Variants in GSS observed in about 807,000 individuals in gnomAD.
GSS encodes glutathione synthetase, also known as GSH synthetase.
A neutral mutation model predicts 60.4 loss-of-function variants in GSS; 34 were observed. The observed-to-expected ratio is 0.56, with a 90% CI of 0.43 to 0.75. The LOEUF (loss-of-function observed/expected upper bound fraction) is 0.75, where lower values mean the gene tolerates loss of function less well. Among genes scored for constraint, GSS ranks in the 30% least tolerant of loss-of-function variants. GSS has a pLI of 0.00. For synonymous variants in GSS, 224 were observed against 239.0 expected, an observed-to-expected ratio of 0.94 and a Z score of 0.58; for missense variants, 499 against 595.1, an observed-to-expected ratio of 0.84 and a Z score of 1.68.
intron 3 of GSS, among the ~76,000 whole-genome samples, chr20:34,943,272 A>G (rs948729068): frequency 1.3e-5 from 2 of 152,198 alleles, no homozygotes; most frequent in Non-Finnish European, 2.9e-5. Flanking sequence ...AATGGAGAAT[A>G]TAATTATATT....
chr20:34,946,198 G>GAGTGTCCTCTGT, intron 2 of GSS, 100 bp from the exon 3 acceptor site: 1 of 960,174 alleles, frequency 1.0e-6, no homozygotes. Context: ...TATATTTACT[G>GAGTGTCCTCTGT]AGGACACACC....
At chr20:34,931,814 TCAC>T in intron 10 of GSS, 122 bp downstream of exon 10, 2 of 859,838 alleles carry the variant, frequency 2.3e-6, no homozygotes, top group Non-Finnish European at 3.8e-6. Flanking sequence ...CTCCAGAGCA[TCAC>T]CAACCTTGCC....
At chr20:34,929,262 G>A (rs1261147047) in intron 12 of GSS, 139 bp downstream of exon 12, 1 of 810,616 alleles carries the variant, frequency 1.2e-6, no homozygotes, top group Non-Finnish European at 2.1e-6. Flanking sequence ...AAAGAAACAG[G>A]TAATAAAGCT....
At chr20:34,932,743 T>C (rs767541043) in intron 9 of GSS, among the ~76,000 whole-genome samples, 12 of 152,238 alleles carry the variant, frequency 7.9e-5, no homozygotes, top group South Asian at 2.1e-4. Context: ...AGTTGTTTCA[T>C]TGAAAGCAGT....
Position 34,942,508 on chromosome 20 carries a change from G to A in GSS, c.471C>T (p.Ser157=). 6.2e-7 allele frequency: 1 copy of A among 1,613,956 alleles called. No homozygotes were observed. Among genetic ancestry groups the A allele is most frequent in the Non-Finnish European group, 8.5e-7 (1 of 1,179,986 alleles). ...TISASFGGLA[S]RTPAVHRHVL... ...CCCACCGGTGCACAGCTGGGGTCCGGGAGGCCAGGCCCCCAAAGCTGGCAG... is the reference window on the plus strand; with the variant it reads ...CCCACCGGTGCACAGCTGGGGTCCGAGAGGCCAGGCCCCCAAAGCTGGCAG... Residue 157 remains serine (S), a synonymous_variant, in exon 5 of 13, where the codon TCC becomes TCT. Transcript: ENST00000651619.
At chr20:34,945,103 C>A (rs529287746) in intron 3 of GSS, among the ~76,000 whole-genome samples, 1 of 151,588 alleles carries the variant, frequency 6.6e-6, no homozygotes. Flanking sequence ...TTACTGCAGC[C>A]TCTGCCTCCT....
chr20:34,943,473 G>A (rs367574889), intron 3 of GSS, among the ~76,000 whole-genome samples: 6 of 152,030 alleles, frequency 3.9e-5, no homozygotes, highest in Admixed American at 1.3e-4. Context: ...GACCTCCCAG[G>A]GTGAGCCTTC....
At chr20:34,930,380 G>C (rs563695625) in intron 11 of GSS, among the ~76,000 whole-genome samples, 4 of 152,034 alleles carry the variant, frequency 2.6e-5, no homozygotes, top group Non-Finnish European at 4.4e-5. Context: ...TATTACTTCT[G>C]CCTGAACCTG....
At chr20:34,929,056 G>A (rs2147119684) in intron 12 of GSS, 105 bp from the exon 13 acceptor site, 1 of 1,379,128 alleles carries the variant, frequency 7.3e-7, no homozygotes, top group Non-Finnish European at 1.0e-6. Flanking sequence ...TCTATACCAA[G>A]AAAGTGCTAG....
At position 34,931,409 on chromosome 20, in the gene GSS, T is replaced by G; in HGVS notation, c.1038A>C (p.Glu346Asp). The G allele has an allele frequency of 6.2e-7, 1 of 1,614,044 alleles. No individual in the cohort carries two copies. Among genetic ancestry groups the G allele is most frequent in the Non-Finnish European group, 8.5e-7 (1 of 1,179,854 alleles). ...GGGCCTCGGCGATGGCCTGGTCCCC[T>G]TCTTCACCCTGGCAGGAGGCAGAAA... ...AGLYSLDVGE[E>D]GDQAIAEALA... Residue 346 changes from glutamate (E) to aspartate (D), a missense_variant, in exon 11 of 13, where the codon GAA becomes GAC. Physicochemically the swap from Glu to Asp is conservative, Grantham distance 45 (BLOSUM62 2). Transcript: ENST00000651619.
At position 34,929,422 on chromosome 20, in the gene GSS, C is replaced by T. The variant is rs1325777545; in HGVS notation, c.1280G>A (p.Gly427Asp). ...ARVVQCISEL[G>D]IFGVYVRQEK... is the part of the protein sequence containing the mutation. ...TCACCTGACATAGACCCCAAAGATGCCCAGCTCTGAAATGCACTGGACCAC... is the reference window on the plus strand; with the variant it reads ...TCACCTGACATAGACCCCAAAGATGTCCAGCTCTGAAATGCACTGGACCAC... Residue 427 changes from glycine (G) to aspartate (D), a missense_variant, in exon 12 of 13, where the codon GGC (glycine) becomes GAC (aspartate). By Grantham distance (94) the Gly-to-Asp change is moderately conservative (BLOSUM62 -1). Coordinates refer to ENST00000651619, the MANE Select transcript of GSS (RefSeq NM_000178.4). The T allele has an allele frequency of 2.5e-6, 4 of 1,613,896 alleles. No individual in the cohort carries two copies. Among genetic ancestry groups the T allele is most frequent in the East Asian group, 2.2e-5 (1 of 44,882 alleles).
chr20:34,949,779 C>T (rs1253432400), intron 2 of GSS: 2 of 152,116 alleles, frequency 1.3e-5, no homozygotes, highest in Non-Finnish European at 2.9e-5. Context: ...ATGCCTGGCA[C>T]ATACTAAATA....
chr20:34,954,487 G>A (rs982592462), intron 1 of GSS: 2 of 153,226 alleles, frequency 1.3e-5, no homozygotes, highest in Non-Finnish European at 2.9e-5. Context: ...CCAGGAGGTG[G>A]AGGTTGTAGT....
At chr20:34,938,053 T>G (rs2081454381) in intron 6 of GSS, among the ~76,000 whole-genome samples, 1 of 152,134 alleles carries the variant, frequency 6.6e-6, no homozygotes, top group South Asian at 2.1e-4. Context: ...AGATGGGGTT[T>G]CACCATGTTG....
chr20:34,931,265 TGCCAATGAGCACTG>T, intron 11 of GSS, 57 bp downstream of exon 11: 1 of 1,180,260 alleles, frequency 8.5e-7, no homozygotes, highest in South Asian at 1.2e-5. Context: ...CCAGAGTAAG[TGCCAATGAGCACTG>T]GCCACAGCCT....
intron 8 of GSS, among the ~76,000 whole-genome samples, chr20:34,935,962 G>A (rs978867821): frequency 3.3e-5 from 5 of 152,136 alleles, no homozygotes; most frequent in Non-Finnish European, 7.4e-5. Flanking sequence ...CGAAATTACC[G>A]AGCAGCAGAA....
At position 34,942,504 on chromosome 20, in the gene GSS, T is replaced by G; in HGVS notation, c.475A>C (p.Thr159Pro). 6.2e-7 allele frequency: 1 copy of G among 1,613,558 alleles called. No individual in the cohort carries two copies. Among genetic ancestry groups the G allele is most frequent in the Non-Finnish European group, 8.5e-7 (1 of 1,179,802 alleles). ...SASFGGLASR[T>P]PAVHRHVLSV... Reference sequence around the variant, plus strand: ...GGGACCCACCGGTGCACAGCTGGGGTCCGGGAGGCCAGGCCCCCAAAGCTG... The same window carrying G: ...GGGACCCACCGGTGCACAGCTGGGGGCCGGGAGGCCAGGCCCCCAAAGCTG... Residue 159 changes from threonine to proline, a missense_variant, in exon 5 of 13, where the codon ACC becomes CCC. Transcript: ENST00000651619.
upstream of GSS, chr20:34,956,008 G>A (rs889811950): frequency 2.0e-5 from 3 of 152,428 alleles, no homozygotes; most frequent in African/African-American, 7.2e-5. Context: ...GGAGCTACGG[G>A]TATGCATAGC....
intron 2 of GSS, among the ~76,000 whole-genome samples, chr20:34,947,859 T>G (rs2081534969): frequency 6.6e-6 from 1 of 152,122 alleles, no homozygotes; most frequent in South Asian, 2.1e-4. Flanking sequence ...GTCCATACAT[T>G]CTAAATTTCT....
Sources: allele counts gnomAD v4.1 joint callset (sites outside exome capture counted in the v4.1 genomes callset), GRCh38; gene constraint gnomAD v4.1.1; transcripts MANE v1.5; gene names NCBI Gene and HGNC (gene_info 2026-07-23, HGNC 2026-07-21).